The following THTPA variants were observed in gnomAD, a reference collection of about 807,000 sequenced individuals.
The protein encoded by THTPA is thiamine triphosphatase.
A neutral mutation model predicts 16.5 loss-of-function variants in THTPA; 16 were observed. The ratio of observed to expected loss-of-function variants is 0.97; its 90% CI spans 0.66 to 1.47. The LOEUF is 1.47. Among genes scored for constraint, THTPA ranks in the 40% most tolerant of loss-of-function variants. The probability of loss-of-function intolerance (pLI) is 0.00; values close to 1 mark genes in which losing one functional copy is unlikely to be tolerated. For missense variants in THTPA, 281 were observed against 280.9 expected (o/e 1.00, Z 0.00); for synonymous variants, 110 against 115.5 (o/e 0.95, Z 0.30).
the THTPA span, chr14:23,528,612 C>T: frequency 1.0e-6 from 1 of 985,336 alleles, no homozygotes; most frequent in Admixed American, 6.1e-5. Flanking sequence ...GAACCATCAC[C>T]TGGAAAGGGG....
At position 23,559,682 on chromosome 14, in the gene THTPA, G is replaced by A; in HGVS notation, c.*842G>A. On this transcript the variant is annotated 3_prime_UTR_variant, in exon 2 of 2. Transcript: ENST00000288014. The stretch of plus-strand genomic sequence containing the variant: ...ACCTGCTGGTAGCCCTCAGGTGTAG[G>A]TTCGAAGCTGCTGGGGCCCCCTGGG... 1.4e-6 allele frequency: 2 copies of A among 1,470,372 alleles called. No individual in the cohort carries two copies. The highest frequency in any genetic ancestry group is 1.9e-6 in the Non-Finnish European group (2 of 1,059,882). 91.1% of individuals were successfully genotyped at this position (1,470,372 alleles called of 1,614,324 possible). A position where few individuals can be genotyped will look rare whatever the true frequency, so the allele number is the denominator to read the frequency against.
At position 23,557,185 on chromosome 14, in the gene THTPA, G is replaced by T; in HGVS notation, c.428G>T (p.Arg143Met). 1.9e-6 allele frequency: 3 copies of T among 1,614,146 alleles called. No homozygotes were observed. The highest frequency in any genetic ancestry group is 2.5e-6 in the Non-Finnish European group (3 of 1,180,026). ...GCTGATGAAGAGGAGCCACAGCTCA[G>T]GGTGGACTTGGATACAGCCGACTTT... ...LGADEEEPQL[R>M]VDLDTADFGY... The change falls in exon 1 of 2, where the codon AGG becomes ATG. Residue 143 changes from arginine (R) to methionine (M), a missense_variant. By Grantham distance (91) the Arg-to-Met change is moderately conservative (BLOSUM62 -1). Transcript: ENST00000288014.
At chr14:23,553,458 GC>G (rs906447477), upstream of THTPA, among the ~76,000 whole-genome samples, 22 of 152,066 alleles carry the variant, frequency 1.4e-4, no homozygotes, top group South Asian at 1.2e-3. Flanking sequence ...AATTAGCTGG[GC>G]GTGGTGGTGG....
At chr14:23,534,278 TG>T in the THTPA span, 2 of 1,531,212 alleles carry the variant, frequency 1.3e-6, no homozygotes, top group Non-Finnish European at 8.7e-7. The surrounding 1 kb of genome is among the most constrained non-coding windows in gnomAD (Gnocchi z 4.5). Context: ...CAGGTGGCTG[TG>T]GGTGGAGAGG....
the THTPA span, chr14:23,527,868 T>A: frequency 7.3e-7 from 1 of 1,372,892 alleles, no homozygotes; most frequent in Non-Finnish European, 9.9e-7. Context: ...CATCACATAG[T>A]CCTTTGGATG....
At chr14:23,535,033 T>C in the THTPA span, 1 of 1,536,228 alleles carries the variant, frequency 6.5e-7, no homozygotes, top group South Asian at 1.2e-5. This position sits in a 1 kb window ranked among gnomAD's most constrained non-coding sequence, Gnocchi z 4.5. Context: ...TTCCTCCTCC[T>C]GCTCCTTGTC....
At chr14:23,521,769 T>C in the THTPA span, 4 of 963,108 alleles carry the variant, frequency 4.2e-6, no homozygotes, top group Non-Finnish European at 4.4e-6. Flanking sequence ...TGTGTGTCTG[T>C]GGGGATTGGG....
Position 23,556,811 on chromosome 14 carries a change from AGAG to A in THTPA, c.58_60del (p.Glu20del). 6.2e-7 allele frequency: 1 copy of A among 1,613,652 alleles called. No individual in the cohort carries two copies. Among genetic ancestry groups the A allele is most frequent in the African/African-American group, 1.3e-5 (1 of 75,042 alleles). ...GAAAGTTCCTTCCAGGGCCTGGCAC[AGAG>A]GAGCGGCTGCAGGAGTTGGGGGGCA... is the stretch of plus-strand genomic sequence containing the variant. On this transcript the variant is annotated inframe_deletion, in exon 1 of 2. Transcript: ENST00000288014.
the THTPA span, chr14:23,522,442 T>C: frequency 6.5e-7 from 1 of 1,536,410 alleles, no homozygotes; most frequent in South Asian, 1.2e-5. Flanking sequence ...TTGGAGGTGC[T>C]GTGGCTGTGG....
chr14:23,520,968 T>C, the THTPA span: 1 of 152,042 alleles, frequency 6.6e-6, no homozygotes, highest in South Asian at 2.1e-4. This position sits in a 1 kb window ranked among gnomAD's most constrained non-coding sequence, Gnocchi z 8.7. Flanking sequence ...GTGCACGTAC[T>C]CTCTCTCGCT....
At chr14:23,539,011 A>G in the THTPA span, among the ~76,000 whole-genome samples, 2 of 152,244 alleles carry the variant, frequency 1.3e-5, no homozygotes, top group South Asian at 4.2e-4. Context: ...GCCTGGAGCC[A>G]AGGGAGGGCG....
the THTPA span, chr14:23,521,625 A>AAGAT: frequency 4.0e-6 from 1 of 251,808 alleles, no homozygotes; most frequent in Non-Finnish European, 7.6e-6. Context: ...GAGGAAAAGG[A>AAGAT]AGATAGAACC....
At chr14:23,522,338 G>A in the THTPA span, 1 of 1,535,058 alleles carries the variant, frequency 6.5e-7, no homozygotes, top group Non-Finnish European at 8.7e-7. Context: ...GTAGCGATGG[G>A]TTACATCCAC....
At chr14:23,514,269 G>A in the THTPA span, 1 of 152,388 alleles carries the variant, frequency 6.6e-6, no homozygotes, top group African/African-American at 2.4e-5. Context: ...GGCATGGGGA[G>A]TGGAGCAACA....
upstream of THTPA, chr14:23,551,674 T>TCTCCTCCTCGCC (rs1881964925): frequency 6.6e-6 from 1 of 151,636 alleles, no homozygotes; most frequent in East Asian, 2.0e-4. The surrounding 1 kb of genome is among the most constrained non-coding windows in gnomAD (Gnocchi z 5.3). Context: ...TCCTCCTCCT[T>TCTCCTCCTCGCC]CTCCTCCTCG....
chr14:23,550,266 T>G, the THTPA span, among the ~76,000 whole-genome samples: 1 of 152,088 alleles, frequency 6.6e-6, no homozygotes, highest in Non-Finnish European at 1.5e-5. Flanking sequence ...ACTAGAGGCT[T>G]TGGCGAAGAC....
chr14:23,548,720 TTC>T, the THTPA span, among the ~76,000 whole-genome samples: 12 of 151,432 alleles, frequency 7.9e-5, no homozygotes, highest in South Asian at 8.3e-4. Context: ...GCTCGTGAGG[TTC>T]TCTCTCTCTC....
chr14:23,523,567 T>C, the THTPA span: 5 of 1,540,410 alleles, frequency 3.2e-6, no homozygotes, highest in South Asian at 5.9e-5. This position sits in a 1 kb window ranked among gnomAD's most constrained non-coding sequence, Gnocchi z 4.1. Flanking sequence ...CTGTCCCCTG[T>C]AGTTTGGCCT....
At chr14:23,549,603 C>A in the THTPA span, among the ~76,000 whole-genome samples, 243 of 151,806 alleles carry the variant, frequency 1.6e-3, 1 homozygote, top group African/African-American at 5.7e-3. Flanking sequence ...AGAAGATGAA[C>A]TAAAAAGTGA....
Sources: gnomAD v4.1 joint callset for allele counts (sites outside exome capture counted in the v4.1 genomes callset) on GRCh38, gnomAD v4.1.1 for gene constraint, Gnocchi (gnomAD v3.1) non-coding constraint, MANE v1.5 for transcripts, NCBI Gene and HGNC (gene_info 2026-07-23, HGNC 2026-07-21) for gene names.